The following ATP11A variants were observed in gnomAD, a reference collection of about 807,000 sequenced individuals.
The protein encoded by ATP11A is ATPase phospholipid transporting 11A.
In ATP11A, 81 loss-of-function variants were observed where a neutral mutation model predicts 154.4. That is an observed-to-expected ratio of 0.52 (90% CI 0.44 to 0.63). ATP11A has a LOEUF of 0.63. Ranked by LOEUF, ATP11A falls within the 30% of genes least tolerant of loss-of-function variation. The probability of loss-of-function intolerance (pLI) is 0.00; values close to 1 mark genes in which losing one functional copy is unlikely to be tolerated. For missense variants in ATP11A, 1,316 were observed against 1,474.3 expected, an observed-to-expected ratio of 0.89 and a Z score of 1.76; for synonymous variants, 623 against 585.9, an observed-to-expected ratio of 1.06 and a Z score of -0.91.
At chr13:112,869,718 G>C (rs2080451665) in intron 25 of ATP11A, among the ~76,000 whole-genome samples, 1 of 152,224 alleles carries the variant, frequency 6.6e-6, no homozygotes, top group South Asian at 2.1e-4. Flanking sequence ...GCACCACTTG[G>C]CTGAAAGCAT....
chr13:112,802,451 C>CAGAT (rs1194845626), intron 2 of ATP11A, among the ~76,000 whole-genome samples: 2 of 151,094 alleles, frequency 1.3e-5, no homozygotes, highest in African/African-American at 4.9e-5. Flanking sequence ...CCCATTCACC[C>CAGAT]AGATAGTCAA....
chr13:112,844,019 A>G (rs1165009671), intron 17 of ATP11A, among the ~76,000 whole-genome samples: 1 of 152,208 alleles, frequency 6.6e-6, no homozygotes, highest in Admixed American at 6.5e-5. Context: ...GAGCAGCACA[A>G]GCGTCCTGCG....
intron 1 of ATP11A, among the ~76,000 whole-genome samples, chr13:112,756,953 A>G (rs2076855469): frequency 2.6e-5 from 4 of 151,308 alleles, no homozygotes; most frequent in Non-Finnish European, 5.9e-5. Flanking sequence ...TACTAGTTGA[A>G]ATTGTTACAT....
chr13:112,842,134 TGTTAACTG>T, intron 16 of ATP11A, 134 bp from the exon 17 acceptor site: 1 of 635,078 alleles, frequency 1.6e-6, no homozygotes, highest in Non-Finnish European at 2.7e-6. Flanking sequence ...GACTGTAGCG[TGTTAACTG>T]GTCCATTAAA....
Position 112,826,888 on chromosome 13 carries a change from A to G in ATP11A, c.1218A>G (p.Gly406=). The change falls in exon 12 of 30, where the codon GGA becomes GGG. Residue 406 remains glycine (G), a synonymous_variant. Coordinates refer to ENST00000375645, the MANE Select transcript of ATP11A (RefSeq NM_015205.3). ...CGTCGGACCTCAATGAAGAGCTGGG[A>G]CAGGTTGGTGTCTCCTGAGTCATCT... ...VNTSDLNEEL[G]QVEYIFTDKT... 2 of 1,614,130 alleles carry G rather than the reference A, an allele frequency of 1.2e-6. No individual in the cohort carries two copies. Among genetic ancestry groups the G allele is most frequent in the Non-Finnish European group, 1.7e-6 (2 of 1,180,006 alleles).
At chr13:112,735,217 T>C (rs914449968) in intron 1 of ATP11A, among the ~76,000 whole-genome samples, 7 of 152,192 alleles carry the variant, frequency 4.6e-5, no homozygotes, top group Admixed American at 3.3e-4. Flanking sequence ...AGAAGGACAC[T>C]GGGAAATCTA....
At chr13:112,871,646 A>AATG in intron 25 of ATP11A, 89 bp from the exon 26 acceptor site, 1 of 1,246,200 alleles carries the variant, frequency 8.0e-7, no homozygotes, top group Non-Finnish European at 1.2e-6. Context: ...ACACAAGAAA[A>AATG]ATGAGGTGTA....
At chr13:112,880,143 C>T (rs2140449276) in intron 29 of ATP11A, among the ~76,000 whole-genome samples, 1 of 152,330 alleles carries the variant, frequency 6.6e-6, no homozygotes, top group Admixed American at 6.5e-5. Flanking sequence ...TCAGGAAAGT[C>T]CGTCGCAGGG....
At chr13:112,848,260 ATTT>A (rs1008130081) in intron 17 of ATP11A, among the ~76,000 whole-genome samples, 1 of 152,106 alleles carries the variant, frequency 6.6e-6, no homozygotes, top group Admixed American at 6.5e-5. Flanking sequence ...AAACTTTGGT[ATTT>A]TTCAGCCTTG....
In ATP11A at chr13:112,810,591, C is replaced by A. The variant is rs367834390; in HGVS notation, c.334-28C>A. The A allele has an allele frequency of 4.5e-6, 7 of 1,561,264 alleles. No individual in the cohort carries two copies. The African/African-American group carries it at 8.1e-5, about 18-fold the overall frequency. On this transcript the variant is annotated intron_variant, in intron 4 of 29. Transcript: ENST00000375645. ...CTCCTTCCCTCTCTCCCTGCTTCCT[C>A]TCTCCCTTCTTTCCTTCCTTTTTTT...
intron 1 of ATP11A, among the ~76,000 whole-genome samples, chr13:112,724,105 G>A (rs1300571254): frequency 8.4e-5 from 5 of 59,734 alleles, no homozygotes; most frequent in Admixed American, 2.2e-4. Flanking sequence ...CGTCCCCATC[G>A]CCCCCTTCGC....
At position 112,788,148 on chromosome 13, in the gene ATP11A, A is replaced by G. The variant is rs562276108; in HGVS notation, c.162+2891A>G. Among the ~76,000 whole-genome samples, 27 of 147,764 alleles carry G rather than the reference A, an allele frequency of 1.8e-4. No homozygotes were observed. In the East Asian group the frequency reaches 4.9e-3, roughly 27 times the overall value. On this transcript the variant is annotated intron_variant, in intron 2 of 29. Transcript: ENST00000375645. ...CCACACCGGGTGTCCTGATGTGTAG[A>G]CCCCTGTGGAGACCTACTTAATTCA...
chr13:112,783,332 G>T (rs2077544126), intron 1 of ATP11A, among the ~76,000 whole-genome samples: 1 of 152,200 alleles, frequency 6.6e-6, no homozygotes, highest in African/African-American at 2.4e-5. Context: ...GCACCGAGGG[G>T]CAGCCCACAC....
chr13:112,833,083 C>T (rs1167912634), intron 14 of ATP11A, 60 bp downstream of exon 14: 2 of 1,565,792 alleles, frequency 1.3e-6, no homozygotes, highest in Non-Finnish European at 1.7e-6. Context: ...CCTCCCCAGC[C>T]CCAGTCAGGG....
intron 17 of ATP11A, among the ~76,000 whole-genome samples, chr13:112,844,004 C>T (rs1356695297): frequency 2.6e-5 from 4 of 152,206 alleles, no homozygotes; most frequent in African/African-American, 9.6e-5. Context: ...CGAGCGGGTT[C>T]CTCTGAGCAG....
intron 1 of ATP11A, among the ~76,000 whole-genome samples, chr13:112,777,925 G>T (rs956211054): frequency 2.6e-5 from 4 of 152,228 alleles, no homozygotes; most frequent in Non-Finnish European, 5.9e-5. Context: ...TCTCGGAGGT[G>T]CTCTTATGGC....
intron 1 of ATP11A, among the ~76,000 whole-genome samples, chr13:112,714,713 G>C (rs1260344612): frequency 6.6e-6 from 1 of 152,222 alleles, no homozygotes; most frequent in Non-Finnish European, 1.5e-5. Context: ...AGAGCACCGA[G>C]AGCCCCTTGC....
chr13:112,768,341 A>G (rs1199227445), intron 1 of ATP11A, among the ~76,000 whole-genome samples: 2 of 152,168 alleles, frequency 1.3e-5, no homozygotes, highest in Admixed American at 6.5e-5. Context: ...CTGTGGGGCA[A>G]CCTCAGCCTC....
rs543757947 is a variant in ATP11A at position 112,807,942 on chromosome 13, T to C, written c.333+1649T>C. 5.9e-5 allele frequency among the ~76,000 whole-genome samples: 9 copies of C among 152,236 alleles called. No homozygotes were observed. The highest frequency in any genetic ancestry group is 1.0e-4 in the Non-Finnish European group (7 of 68,004). ...CGTAGCACTGTTCTTCAGCGTCCTC[T>C]TCTCTGCATTTGTTAAGGATTCCAT... On this transcript the variant is annotated intron_variant, in intron 4 of 29. Coordinates refer to ENST00000375645, the MANE Select transcript of ATP11A (RefSeq NM_015205.3). The surrounding 1 kb of genome is among the most constrained non-coding windows in gnomAD (Gnocchi z 4.5).
Sources: gnomAD v4.1 joint callset for allele counts (sites outside exome capture counted in the v4.1 genomes callset) on GRCh38, gnomAD v4.1.1 for gene constraint, Gnocchi (gnomAD v3.1) non-coding constraint, MANE v1.5 for transcripts, NCBI Gene and HGNC (gene_info 2026-07-23, HGNC 2026-07-21) for gene names.